Variants in METTL9 observed in about 807,000 individuals in gnomAD.
The protein encoded by METTL9 is methyltransferase 9, His-X-His N1(pi)-histidine.
METTL9 carries 10 observed loss-of-function variants against 36.0 expected under a neutral mutation model. The ratio of observed to expected loss-of-function variants is 0.28; its 90% CI spans 0.17 to 0.47. METTL9 has a LOEUF of 0.47. Among genes scored for constraint, METTL9 ranks in the 20% least tolerant of loss-of-function variants. The pLI is 0.99. For missense variants in METTL9, 246 were observed against 383.5 expected, an observed-to-expected ratio of 0.64 and a Z score of 3.00; for synonymous variants, 175 against 149.7, an observed-to-expected ratio of 1.17 and a Z score of -1.23.
intron 1 of METTL9, among the ~76,000 whole-genome samples, chr16:21,603,589 G>A (rs781530145): frequency 2.0e-5 from 3 of 151,930 alleles, no homozygotes; most frequent in Non-Finnish European, 2.9e-5. Flanking sequence ...AAAAACTTAG[G>A]ATCTATTCTT....
At chr16:21,605,335 C>T (rs1287945078) in intron 1 of METTL9, among the ~76,000 whole-genome samples, 1 of 116,922 alleles carries the variant, frequency 8.6e-6, no homozygotes, top group African/African-American at 3.2e-5. Context: ...AGTTGGAATG[C>T]AGTGGCCTGA....
At chr16:21,647,998 C>T (rs1966474048) in intron 4 of METTL9, among the ~76,000 whole-genome samples, 1 of 152,090 alleles carries the variant, frequency 6.6e-6, no homozygotes. Flanking sequence ...GTTGAGATCG[C>T]CAGGAATTCA....
upstream of METTL9, among the ~76,000 whole-genome samples, chr16:21,599,049 C>T (rs553034040): frequency 5.9e-5 from 9 of 152,194 alleles, no homozygotes; most frequent in Non-Finnish European, 1.0e-4. This position sits in a 1 kb window ranked among gnomAD's most constrained non-coding sequence, Gnocchi z 4.4. Flanking sequence ...CGCATCCGAG[C>T]GGGCAACCAT....
chr16:21,599,980 T>C lies in METTL9; in HGVS notation c.165+82T>C, dbSNP rs1185360842. On this transcript the variant is annotated intron_variant, in intron 1 of 4. Transcript: ENST00000358154. This position sits in a 1 kb window ranked among gnomAD's most constrained non-coding sequence, Gnocchi z 4.4. ...GGGCCCGGCTATTGTGCGGGACGGC[T>C]CCGCGAGGGGGCGGCCCGGCCCTCG... The C allele has an allele frequency of 1.4e-5, 16 of 1,134,936 alleles. No homozygotes were observed. The highest frequency in any genetic ancestry group is 1.8e-5 in the Non-Finnish European group (16 of 910,268). The allele number at this position is 1,134,936 out of a possible 1,614,324, so 70.3% of individuals were successfully genotyped here.
At chr16:21,605,767 T>A (rs1162675105) in intron 1 of METTL9, among the ~76,000 whole-genome samples, 8 of 152,204 alleles carry the variant, frequency 5.3e-5, no homozygotes, top group African/African-American at 9.6e-5. Context: ...TGTCATTTTT[T>A]CCTGACATCA....
chr16:21,601,034 A>C (rs1392003758), intron 1 of METTL9, among the ~76,000 whole-genome samples: 1 of 152,202 alleles, frequency 6.6e-6, no homozygotes, highest in African/African-American at 2.4e-5. Context: ...AGCAATTTAG[A>C]AAAGTAGCAT....
At chr16:21,622,887 C>T (rs1426737050) in intron 3 of METTL9, among the ~76,000 whole-genome samples, 2 of 152,170 alleles carry the variant, frequency 1.3e-5, no homozygotes, top group African/African-American at 4.8e-5. Flanking sequence ...AGATAGACAT[C>T]AGATTTTTTT....
chr16:21,599,573 G>A (rs1469715447), upstream of METTL9: 3 of 1,287,320 alleles, frequency 2.3e-6, no homozygotes, highest in East Asian at 3.3e-5. The surrounding 1 kb of genome is among the most constrained non-coding windows in gnomAD (Gnocchi z 4.4). Context: ...CGCGCCGGCT[G>A]CTCCTCCCCA....
At chr16:21,652,364 T>C in intron 4 of METTL9, 1 of 493,066 alleles carries the variant, frequency 2.0e-6, no homozygotes, top group Non-Finnish European at 3.5e-6. Flanking sequence ...TCAGCTATTT[T>C]TTTATTGTCT....
At chr16:21,602,897 G>A (rs1453097066) in intron 1 of METTL9, among the ~76,000 whole-genome samples, 1 of 152,090 alleles carries the variant, frequency 6.6e-6, no homozygotes, top group Non-Finnish European at 1.5e-5. Flanking sequence ...GACCTCAAGT[G>A]ATCCTTCTTC....
At chr16:21,632,199 A>G (rs1401876329) in intron 4 of METTL9, among the ~76,000 whole-genome samples, 1 of 152,216 alleles carries the variant, frequency 6.6e-6, no homozygotes, top group African/African-American at 2.4e-5. Flanking sequence ...CCCAGAGGTT[A>G]GGAACTCCCT....
At chr16:21,613,049 C>T (rs1055521402) in intron 2 of METTL9, among the ~76,000 whole-genome samples, 5 of 151,836 alleles carry the variant, frequency 3.3e-5, no homozygotes, top group African/African-American at 9.7e-5. Flanking sequence ...TATGTTTATT[C>T]ATAGCGGGAG....
At chr16:21,640,754 G>A (rs1384793585) in intron 4 of METTL9, 2 of 136,776 alleles carry the variant, frequency 1.5e-5, no homozygotes, top group Non-Finnish European at 3.1e-5. Flanking sequence ...GCAACAGAAC[G>A]AGACTCTGTC....
At chr16:21,641,374 T>C (rs1472506060) in intron 4 of METTL9, 2 of 454,108 alleles carry the variant, frequency 4.4e-6, no homozygotes, top group Admixed American at 8.4e-5. Flanking sequence ...GTAATGACTA[T>C]TAGTTATAGT....
Position 21,656,159 on chromosome 16 carries a change from AC to A in METTL9, c.*728del, listed in dbSNP as rs1167383360. 1.3e-5 allele frequency: 2 copies of A among 150,416 alleles called. No homozygotes were observed. 9.3% of individuals were successfully genotyped at this position (150,416 alleles called of 1,614,324 possible). On this transcript the variant is annotated 3_prime_UTR_variant, in exon 5 of 5. Coordinates refer to ENST00000358154, the MANE Select transcript of METTL9 (RefSeq NM_016025.5). The stretch of plus-strand genomic sequence containing the variant: ...AACAAAAACCCAGCCTCATTCAGAT[AC>A]AGAACTTCAGGGACCCCTCCCCCCA...
chr16:21,635,049 C>T (rs969221630), intron 4 of METTL9, among the ~76,000 whole-genome samples: 11 of 152,128 alleles, frequency 7.2e-5, no homozygotes, highest in Non-Finnish European at 1.3e-4. Context: ...TATCTCCAAA[C>T]TCTCGGGCTG....
chr16:21,602,733 C>G (rs1965169291), intron 1 of METTL9, among the ~76,000 whole-genome samples: 1 of 151,708 alleles, frequency 6.6e-6, no homozygotes, highest in Admixed American at 6.6e-5. Context: ...TTTTGGTTCA[C>G]TGCAACCTCT....
chr16:21,606,712 C>G (rs868109404), intron 1 of METTL9, among the ~76,000 whole-genome samples: 1 of 152,120 alleles, frequency 6.6e-6, no homozygotes, highest in Non-Finnish European at 1.5e-5. Flanking sequence ...ACAAAAGATA[C>G]TCTTATTACC....
chr16:21,617,770 TGTTGGTGCTG>T, intron 2 of METTL9, 85 bp from the exon 3 acceptor site: 1 of 1,080,320 alleles, frequency 9.3e-7, no homozygotes, highest in Non-Finnish European at 1.4e-6. Flanking sequence ...TGATTATGGT[TGTTGGTGCTG>T]AGTCACTATA....
Sources: allele counts gnomAD v4.1 joint callset (sites outside exome capture counted in the v4.1 genomes callset), GRCh38; gene constraint gnomAD v4.1.1; non-coding constraint Gnocchi (gnomAD v3.1); transcripts MANE v1.5; gene names NCBI Gene and HGNC (gene_info 2026-07-23, HGNC 2026-07-21).